The following KLKB1 variants were observed in gnomAD, a reference collection of about 807,000 sequenced individuals.
The protein encoded by KLKB1 is plasma kallikrein.
KLKB1 carries 58 observed loss-of-function variants against 73.6 expected under a neutral mutation model. That is an observed-to-expected ratio of 0.79 (90% CI 0.64 to 0.98). The LOEUF is 0.98. KLKB1 is among the 50% of genes least tolerant of loss of function. KLKB1 has a pLI of 0.00. For missense variants in KLKB1, 737 were observed against 763.8 expected (o/e 0.96, Z 0.41); for synonymous variants, 280 against 258.1 (o/e 1.08, Z -0.81).
upstream of KLKB1, chr4:186,226,456 G>T (rs1737174014): frequency 6.6e-6 from 1 of 152,412 alleles, no homozygotes. Flanking sequence ...TGTCTGTTGG[G>T]GTCTATGCAC....
chr4:186,222,594 A>T (rs572079913), upstream of KLKB1, among the ~76,000 whole-genome samples: 10 of 152,222 alleles, frequency 6.6e-5, no homozygotes, highest in African/African-American at 2.4e-4. Flanking sequence ...TATCTTTTGT[A>T]TGTTGTGTAT....
At chr4:186,232,060 A>G in intron 2 of KLKB1, 67 bp from the exon 3 acceptor site, 2 of 1,325,414 alleles carry the variant, frequency 1.5e-6, no homozygotes, top group Non-Finnish European at 2.1e-6. Context: ...AGTTAAGACA[A>G]CAGATATCTT....
In KLKB1 at chr4:186,256,061, C is replaced by T. The variant is rs1738977464; in HGVS notation, c.1559C>T (p.Thr520Ile). The change falls in exon 13 of 15, where the codon ACC (threonine) becomes ATC (isoleucine). Residue 520 changes from threonine (T) to isoleucine (I), a missense_variant. Transcript: ENST00000264690. ...ACAATTTATACCAACTGTTGGGTAA[C>T]CGGATGGGGCTTCTCGAAGGAGAAA... ...TSTIYTNCWV[T>I]GWGFSKEKGE... The T allele has an allele frequency of 1.2e-6, 2 of 1,610,898 alleles. No homozygotes were observed. Among genetic ancestry groups the T allele is most frequent in the East Asian group, 4.5e-5 (2 of 44,848 alleles).
At position 186,258,233 on chromosome 4, in the gene KLKB1, C is replaced by T; in HGVS notation, c.*21C>T. 2 of 1,604,590 alleles carry T rather than the reference C, an allele frequency of 1.2e-6. No individual in the cohort carries two copies. Among genetic ancestry groups the T allele is most frequent in the Non-Finnish European group, 1.7e-6 (2 of 1,173,666 alleles). On this transcript the variant is annotated 3_prime_UTR_variant, in exon 15 of 15. Coordinates refer to ENST00000264690, the MANE Select transcript of KLKB1 (RefSeq NM_000892.5). ...CATGAGAAGCAGTCCAGAGTCTAGG[C>T]AATTTTTACAACCTGAGTTCAAGTC...
chr4:186,254,667 C>T lies in KLKB1; in HGVS notation c.1393C>T (p.Gln465Ter). Reference sequence around the variant, plus strand: ...CATTACAAAAGATACACCTTTCTCACAAATAAAAGAGATTATTATTCACCA... The same window carrying T: ...CATTACAAAAGATACACCTTTCTCATAAATAAAAGAGATTATTATTCACCA... ...SDITKDTPFS[Q>*]IKEIIIHQNY... Residue 465 changes from glutamine to a stop codon, truncating the protein, a stop_gained, in exon 12 of 15, where the codon CAA (glutamine) becomes TAA (stop). Coordinates refer to ENST00000264690, the MANE Select transcript of KLKB1 (RefSeq NM_000892.5). LOFTEE classifies it high-confidence loss of function. 2 of 1,613,098 alleles carry T rather than the reference C, an allele frequency of 1.2e-6. No homozygotes were observed. The highest frequency in any genetic ancestry group is 1.7e-6 in the Non-Finnish European group (2 of 1,179,100).
chr4:186,255,319 G>A (rs1738941614), intron 12 of KLKB1, among the ~76,000 whole-genome samples: 1 of 152,136 alleles, frequency 6.6e-6, no homozygotes, highest in African/African-American at 2.4e-5. Flanking sequence ...CCAACACTTT[G>A]GGATGCCCAG....
Position 186,251,347 on chromosome 4 carries a change from A to C in KLKB1, c.868+19A>C. ...TTACCTGGTAATGTGATTTGATAAT[A>C]ATATTACATAAAATGTAACCTATTT... On this transcript the variant is annotated intron_variant, in intron 8 of 14. Transcript: ENST00000264690. 1 of 1,527,672 alleles carries C rather than the reference A, an allele frequency of 6.5e-7. No individual in the cohort carries two copies. The highest frequency in any genetic ancestry group is 9.1e-7 in the Non-Finnish European group (1 of 1,101,290). The allele number at this position is 1,527,672 out of a possible 1,614,324, so 94.6% of individuals were successfully genotyped here.
intron 6 of KLKB1, among the ~76,000 whole-genome samples, 154 bp downstream of exon 6, chr4:186,238,519 G>A (rs935496507): frequency 6.6e-6 from 1 of 152,142 alleles, no homozygotes; most frequent in Non-Finnish European, 1.5e-5. Flanking sequence ...TTCGAGATGG[G>A]GAGTTTACTC....
intron 11 of KLKB1, among the ~76,000 whole-genome samples, chr4:186,254,103 G>A (rs1738856356): frequency 6.6e-6 from 1 of 152,230 alleles, no homozygotes; most frequent in African/African-American, 2.4e-5. Flanking sequence ...GAAGTGCTGG[G>A]ATTACAGGTG....
chr4:186,250,331 C>T lies in KLKB1; in HGVS notation c.687C>T (p.Thr229=). 6.2e-7 allele frequency: 1 copy of T among 1,614,052 alleles called. No individual in the cohort carries two copies. Among genetic ancestry groups the T allele is most frequent in the Non-Finnish European group, 8.5e-7 (1 of 1,179,938 alleles). Residue 229 remains threonine (T), a synonymous_variant, in exon 7 of 15, where the codon ACC becomes ACT. Coordinates refer to ENST00000264690, the MANE Select transcript of KLKB1 (RefSeq NM_000892.5). ...CTCCAGATGCTTTTGTGTGTCGGAC[C>T]ATCTGCACCTATCACCCCAACTGCC... is the stretch of plus-strand genomic sequence containing the variant. ...VLTPDAFVCR[T]ICTYHPNCLF... is the part of the protein sequence containing the mutation.
chr4:186,233,905 T>C, intron 3 of KLKB1, 47 bp from the exon 4 acceptor site: 2 of 1,295,486 alleles, frequency 1.5e-6, no homozygotes, highest in Non-Finnish European at 2.2e-6. Context: ...ATTTCCTCAA[T>C]GTATGTTTAT....
intron 2 of KLKB1, among the ~76,000 whole-genome samples, chr4:186,216,938 A>G (rs4861707): frequency 0.38 from 58,333 of 152,104 alleles, 11,676 homozygotes; most frequent in South Asian, 0.63. Context: ...TAGTAATCTT[A>G]ACCCCATCTG....
intron 6 of KLKB1, among the ~76,000 whole-genome samples, chr4:186,247,978 T>A (rs1257950313): frequency 2.0e-5 from 3 of 152,202 alleles, no homozygotes; most frequent in Non-Finnish European, 2.9e-5. Context: ...CCGGGCACGG[T>A]GGCTCACGCC....
At position 186,250,251 on chromosome 4, in the gene KLKB1, A is replaced by C. The variant is rs188038815; in HGVS notation, c.607A>C (p.Met203Leu). The C allele has an allele frequency of 6.2e-7, 1 of 1,614,166 alleles. No homozygotes were observed. The highest frequency in any genetic ancestry group is 1.1e-5 in the South Asian group (1 of 91,084). Residue 203 changes from methionine (M) to leucine (L), a missense_variant, in exon 7 of 15, where the codon ATG (methionine) becomes CTG (leucine). Transcript: ENST00000264690. Reference sequence around the variant, plus strand: ...TCTCTGTGAGTTCACAGGTTGCCACATGAACATCTTCCAGCATCTTGCGTT... The same window carrying C: ...TCTCTGTGAGTTCACAGGTTGCCACCTGAACATCTTCCAGCATCTTGCGTT... ...PCALSEIGCH[M>L]NIFQHLAFSD...
At chr4:186,235,964 A>G (rs1737648256) in intron 4 of KLKB1, among the ~76,000 whole-genome samples, 1 of 151,980 alleles carries the variant, frequency 6.6e-6, no homozygotes, top group Non-Finnish European at 1.5e-5. Flanking sequence ...AAATACAAAA[A>G]TTAGCCGGGC....
chr4:186,251,923 A>C, intron 10 of KLKB1, 62 bp downstream of exon 10: 1 of 1,602,830 alleles, frequency 6.2e-7, no homozygotes, highest in Non-Finnish European at 8.5e-7. Flanking sequence ...TAGTTTGCTT[A>C]GTCTTAAGGA....
In KLKB1 at chr4:186,258,431, C is replaced by G; in HGVS notation, c.*219C>G. 2 of 603,466 alleles carry G rather than the reference C, an allele frequency of 3.3e-6. No homozygotes were observed. The highest frequency in any genetic ancestry group is 6.0e-6 in the Non-Finnish European group (2 of 335,810). 37.4% of individuals were successfully genotyped at this position (603,466 alleles called of 1,614,324 possible). A position where few individuals can be genotyped will look rare whatever the true frequency, so the allele number is the denominator to read the frequency against. ...GACAATGCGAGGTCGCAACTGAGAT[C>G]TCCATGACTGTGTGTTGTGAAATAA... On this transcript the variant is annotated 3_prime_UTR_variant, in exon 15 of 15. Transcript: ENST00000264690.
intron 14 of KLKB1, 70 bp from the exon 15 acceptor site, chr4:186,257,951 T>C: frequency 1.4e-6 from 2 of 1,380,816 alleles, no homozygotes; most frequent in Non-Finnish European, 2.1e-6. Context: ...TACAGAACTT[T>C]AGAGGCAGTC....
Position 186,219,686 on chromosome 4 carries a change from T to C in KLKB1, c.201+10414T>C, listed in dbSNP as rs544476324. Among the ~76,000 whole-genome samples, 4 of 152,306 alleles carry C rather than the reference T, an allele frequency of 2.6e-5. No individual in the cohort carries two copies. In the South Asian group the frequency reaches 8.3e-4, roughly 32 times the overall value. ...ACCTTCTTCTACTACCCATTCTGTA[T>C]TCCTTTTGCCTTCAGCAAGCATCTC... On this transcript the variant is annotated intron_variant, in intron 2 of 14. Coordinates refer to the KLKB1 transcript ENST00000511608.
Sources: gnomAD v4.1 joint callset for allele counts (sites outside exome capture counted in the v4.1 genomes callset) on GRCh38, gnomAD v4.1.1 for gene constraint, MANE v1.5 for transcripts, NCBI Gene and HGNC (gene_info 2026-07-23, HGNC 2026-07-21) for gene names.